ANKFY1: variants seen among roughly 807,000 people sequenced by gnomAD.
ANKFY1 encodes ankyrin repeat and FYVE domain-containing protein 1.
ANKFY1 carries 47 observed loss-of-function variants against 128.3 expected under a neutral mutation model. That is an observed-to-expected ratio of 0.37 (90% CI 0.29 to 0.47). ANKFY1 has a LOEUF of 0.47. ANKFY1 is among the 20% of genes least tolerant of loss of function. ANKFY1 has a pLI of 1.00. For missense variants in ANKFY1, 1,222 were observed against 1,510.6 expected, an observed-to-expected ratio of 0.81 and a Z score of 3.17; for synonymous variants, 553 against 601.6, an observed-to-expected ratio of 0.92 and a Z score of 1.18.
intron 10 of ANKFY1, 59 bp downstream of exon 10, chr17:4,194,919 T>G: frequency 1.3e-6 from 2 of 1,564,122 alleles, no homozygotes; most frequent in Non-Finnish European, 1.8e-6. Context: ...GGCATTTACA[T>G]GCCATTTCCT....
intron 11 of ANKFY1, chr17:4,188,874 A>G (rs2059658143): frequency 6.6e-6 from 1 of 150,436 alleles, no homozygotes; most frequent in Non-Finnish European, 1.5e-5. Flanking sequence ...CTCAAGAAAA[A>G]AAAAAAAAAA....
At chr17:4,255,778 G>A (rs1968080979) in intron 1 of ANKFY1, among the ~76,000 whole-genome samples, 1 of 151,516 alleles carries the variant, frequency 6.6e-6, no homozygotes, top group Non-Finnish European at 1.5e-5. Flanking sequence ...GATTAGAAAA[G>A]CTCTTCACTG....
intron 1 of ANKFY1, among the ~76,000 whole-genome samples, chr17:4,249,797 C>T (rs1424819695): frequency 6.6e-6 from 1 of 152,176 alleles, no homozygotes; most frequent in African/African-American, 2.4e-5. Context: ...ATGCTCTTGA[C>T]TGCGCAGTCT....
chr17:4,171,736 C>G (rs951332610), intron 22 of ANKFY1, among the ~76,000 whole-genome samples: 1 of 152,132 alleles, frequency 6.6e-6, no homozygotes, highest in Non-Finnish European at 1.5e-5. Context: ...AAAAACAGTG[C>G]GCACGTAGCA....
At chr17:4,231,787 AT>A (rs1014683924) in intron 3 of ANKFY1, among the ~76,000 whole-genome samples, 4 of 151,916 alleles carry the variant, frequency 2.6e-5, no homozygotes, top group African/African-American at 4.8e-5. Context: ...TCTATAAAAA[AT>A]GAGACAGGCA....
intron 7 of ANKFY1, among the ~76,000 whole-genome samples, chr17:4,200,088 G>C (rs549154720): frequency 4.6e-5 from 7 of 150,748 alleles, no homozygotes; most frequent in Non-Finnish European, 8.9e-5. Context: ...TTGAGACAGG[G>C]TCTCACTCTG....
chr17:4,187,527 C>T, intron 11 of ANKFY1: 1 of 363,528 alleles, frequency 2.8e-6, no homozygotes, highest in Non-Finnish European at 4.9e-6. Context: ...CCAGGCCCTT[C>T]TGCAGTGCTG....
intron 1 of ANKFY1, among the ~76,000 whole-genome samples, chr17:4,252,085 C>G (rs536260327): frequency 1.2e-4 from 18 of 146,932 alleles, no homozygotes; most frequent in Non-Finnish European, 2.1e-4. Flanking sequence ...AGAACTCTTA[C>G]AGCTCAATAA....
intron 23 of ANKFY1, among the ~76,000 whole-genome samples, chr17:4,170,216 C>G (rs1233918171): frequency 1.3e-5 from 2 of 152,202 alleles, no homozygotes; most frequent in African/African-American, 4.8e-5. Flanking sequence ...GGTGATGACA[C>G]AGCACAGGCA....
intron 14 of ANKFY1, 126 bp downstream of exon 14, chr17:4,183,272 A>C: frequency 8.8e-7 from 1 of 1,139,466 alleles, no homozygotes; most frequent in Non-Finnish European, 1.3e-6. Context: ...GTGTGTTTCT[A>C]GAGCTACTGT....
rs1374017769 is a variant in ANKFY1 at position 4,164,668 on chromosome 17, CA to C, written c.*3110del. On this transcript the variant is annotated 3_prime_UTR_variant, in exon 25 of 25. Coordinates refer to ENST00000341657, the MANE Select transcript of ANKFY1 (RefSeq NM_001330063.2). The stretch of plus-strand genomic sequence containing the variant: ...AGATAAAAGAAACCTAGATGGAGGT[CA>C]AGCTCTCCCCTTTCCCAAGACGTTC... 2 of 152,206 alleles carry C rather than the reference CA, an allele frequency of 1.3e-5. No individual in the cohort carries two copies. Among genetic ancestry groups the C allele is most frequent in the African/African-American group, 2.4e-5 (1 of 41,452 alleles). The allele number at this position is 152,206 out of a possible 1,614,324, so 9.4% of individuals were successfully genotyped here. A position where few individuals can be genotyped will look rare whatever the true frequency, so the allele number is the denominator to read the frequency against.
intron 12 of ANKFY1, among the ~76,000 whole-genome samples, chr17:4,184,192 A>C (rs745322838): frequency 6.6e-6 from 1 of 152,146 alleles, no homozygotes; most frequent in Non-Finnish European, 1.5e-5. Flanking sequence ...AAAAGACTAA[A>C]ACAACGCCCT....
intron 2 of ANKFY1, among the ~76,000 whole-genome samples, chr17:4,236,262 CAGAA>C (rs917279036): frequency 2.6e-5 from 4 of 152,114 alleles, no homozygotes. Context: ...GAGAGAAAGA[CAGAA>C]AGGTTAAAGA....
chr17:4,173,952 C>G lies in ANKFY1; in HGVS notation c.2880G>C (p.Glu960Asp), dbSNP rs1267416529. The G allele has an allele frequency of 5.6e-6, 9 of 1,614,148 alleles. No homozygotes were observed. The highest frequency in any genetic ancestry group is 7.6e-6 in the Non-Finnish European group (9 of 1,179,962). ...DLPTICSVLL[E>D]NGVDFAAVDE... ...CCACGGCAGCAAAGTCCACGCCATTCTCTAGGAGGACTGAGCAGATGGTGG... is the reference window on the plus strand; with the variant it reads ...CCACGGCAGCAAAGTCCACGCCATTGTCTAGGAGGACTGAGCAGATGGTGG... The change falls in exon 20 of 25, where the codon GAG (glutamate) becomes GAC (aspartate). Residue 960 changes from glutamate (E) to aspartate (D), a missense_variant. By Grantham distance (45) the Glu-to-Asp change is conservative (BLOSUM62 2). Transcript: ENST00000341657.
At chr17:4,247,006 A>T (rs1967576994) in intron 1 of ANKFY1, among the ~76,000 whole-genome samples, 2 of 152,034 alleles carry the variant, frequency 1.3e-5, no homozygotes, top group South Asian at 2.1e-4. Flanking sequence ...CCAGCTACTC[A>T]GGAGGCTGAG....
At chr17:4,204,414 G>T (rs1357713412) in intron 7 of ANKFY1, among the ~76,000 whole-genome samples, 1 of 152,144 alleles carries the variant, frequency 6.6e-6, no homozygotes, top group Non-Finnish European at 1.5e-5. Flanking sequence ...TTCAAACCTT[G>T]GTGAATACCA....
intron 5 of ANKFY1, among the ~76,000 whole-genome samples, chr17:4,209,059 C>A (rs1441215470): frequency 1.4e-5 from 2 of 147,308 alleles, no homozygotes; most frequent in African/African-American, 5.0e-5. Flanking sequence ...AACTCAGTCT[C>A]AAAAAAAAAA....
chr17:4,187,142 C>T, intron 11 of ANKFY1: 1 of 628,800 alleles, frequency 1.6e-6, no homozygotes, highest in Admixed American at 4.4e-5. Context: ...CTTTTATCCC[C>T]CACCGCCCTC....
At chr17:4,237,720 T>C (rs1179984475) in intron 2 of ANKFY1, among the ~76,000 whole-genome samples, 2 of 152,172 alleles carry the variant, frequency 1.3e-5, no homozygotes, top group Non-Finnish European at 2.9e-5. Context: ...TAATTTCCAA[T>C]AATAATTTTT....
Sources: allele counts gnomAD v4.1 joint callset (sites outside exome capture counted in the v4.1 genomes callset), GRCh38; gene constraint gnomAD v4.1.1; transcripts MANE v1.5; gene names NCBI Gene and HGNC (gene_info 2026-07-23, HGNC 2026-07-21).